COPZ1: variants seen among roughly 807,000 people sequenced by gnomAD.
COPZ1 encodes the protein coat protein complex I subunit zeta 1.
Under a neutral mutation model 31.7 loss-of-function variants are expected in COPZ1, and 4 were observed. The observed-to-expected ratio is 0.13, with a 90% CI of 0.06 to 0.29. COPZ1 has a LOEUF of 0.29. COPZ1 is among the 10% of genes least tolerant of loss of function. The pLI is 1.00. For synonymous variants in COPZ1, 74 were observed against 79.0 expected (o/e 0.94, Z 0.33); for missense variants, 156 against 211.5 (o/e 0.74, Z 1.63).
intron 1 of COPZ1, chr12:54,337,177 C>T (rs1432025316): frequency 5.6e-6 from 3 of 533,206 alleles, no homozygotes; most frequent in African/African-American, 1.9e-5. Flanking sequence ...GTCTAAGTCA[C>T]CCAATCTCCC....
At chr12:54,342,124 G>A in intron 2 of COPZ1, 82 bp from the exon 3 acceptor site, 2 of 990,644 alleles carry the variant, frequency 2.0e-6, no homozygotes, top group East Asian at 4.8e-5. Context: ...AGAAATCCAA[G>A]ATCCCAGGGC....
At chr12:54,336,391 A>T (rs1953864063) in intron 1 of COPZ1, among the ~76,000 whole-genome samples, 1 of 152,030 alleles carries the variant, frequency 6.6e-6, no homozygotes, top group Admixed American at 6.6e-5. Context: ...AATACAAAAA[A>T]TTAGCCGGGC....
chr12:54,341,359 G>T (rs1953969961), intron 2 of COPZ1, among the ~76,000 whole-genome samples: 1 of 152,116 alleles, frequency 6.6e-6, no homozygotes, highest in Non-Finnish European at 1.5e-5. Context: ...TTGGAAGAAA[G>T]AAGAAAGGAC....
intron 1 of COPZ1, among the ~76,000 whole-genome samples, chr12:54,335,003 A>G (rs1953831861): frequency 6.6e-6 from 1 of 151,978 alleles, no homozygotes; most frequent in Non-Finnish European, 1.5e-5. Context: ...GTGAAACTCC[A>G]TCTCTACTAA....
rs548286711 is a variant in COPZ1, at chr12:54,347,702, A to G, written c.318-65A>G. On this transcript the variant is annotated intron_variant, in intron 5 of 8. Coordinates refer to ENST00000262061, the MANE Select transcript of COPZ1 (RefSeq NM_016057.3). ...GTCTAGTTTAGGTTCCTCAATTGAG[A>G]CAAGGTCCTAGGATTTCTTTCACAT... is the stretch of plus-strand genomic sequence containing the variant. 25 of 1,459,160 alleles carry G rather than the reference A, an allele frequency of 1.7e-5. No individual in the cohort carries two copies. In the South Asian group the frequency reaches 2.9e-4, roughly 17 times the overall value. The allele number at this position is 1,459,160 out of a possible 1,614,324, so 90.4% of individuals were successfully genotyped here.
Position 54,340,614 on chromosome 12 carries a change from A to G in COPZ1, c.86A>G (p.Lys29Arg). 1 of 1,613,610 alleles carries G rather than the reference A, an allele frequency of 6.2e-7. No homozygotes were observed. The highest frequency in any genetic ancestry group is 8.5e-7 in the Non-Finnish European group (1 of 1,179,824). ...AATGATGGAGATCGACTTTTTGCCAAGGTGAGATTCCCTTTCGAATTAGTT... is the reference window on the plus strand; with the variant it reads ...AATGATGGAGATCGACTTTTTGCCAGGGTGAGATTCCCTTTCGAATTAGTT... ...LDNDGDRLFA[K>R]YYDDTYPSVK... is the part of the protein sequence containing the mutation. Residue 29 changes from lysine (K) to arginine (R), a missense_variant and splice_region_variant, in exon 2 of 9, where the codon AAG becomes AGG. Physicochemically the swap from Lys to Arg is conservative, Grantham distance 26. Coordinates refer to ENST00000262061, the MANE Select transcript of COPZ1 (RefSeq NM_016057.3).
intron 1 of COPZ1, 172 bp from the exon 2 acceptor site, chr12:54,340,375 T>C (rs187815323): frequency 8.8e-5 from 92 of 1,044,174 alleles, no homozygotes; most frequent in Non-Finnish European, 1.2e-4. Context: ...TCAGTTTACT[T>C]ACCCTGGGTC....
At chr12:54,326,340 C>T (rs527883078) in intron 1 of COPZ1, among the ~76,000 whole-genome samples, 2 of 148,294 alleles carry the variant, frequency 1.3e-5, no homozygotes, top group South Asian at 4.3e-4. Flanking sequence ...CGGAGTTTCA[C>T]CGTGTTAGCC....
intron 1 of COPZ1, among the ~76,000 whole-genome samples, chr12:54,336,139 G>A (rs1381549987): frequency 1.3e-5 from 2 of 152,098 alleles, no homozygotes; most frequent in Admixed American, 6.6e-5. Flanking sequence ...TCTTCTGGTG[G>A]CTTACTAAGA....
rs139509958 is a variant in COPZ1 at position 54,333,243 on chromosome 12, G to A, written c.19-7304G>A. Among the ~76,000 whole-genome samples the A allele has an allele frequency of 7.4e-3, 1,126 of 151,954 alleles. 9 individuals are homozygous for A. The highest frequency in any genetic ancestry group is 0.024 in the Middle Eastern group (7 of 294). ...GTATTTTTAGTAGAGACAGGGTTTC[G>A]CCATGTTGCCCAGGCTGGCCTCAAA... On this transcript the variant is annotated intron_variant, in intron 1 of 8. Transcript: ENST00000262061.
intron 1 of COPZ1, among the ~76,000 whole-genome samples, chr12:54,336,885 G>A (rs1171341421): frequency 6.6e-6 from 1 of 151,996 alleles, no homozygotes; most frequent in Non-Finnish European, 1.5e-5. Context: ...AGCTGGGCAT[G>A]GGGGTGTGTG....
In COPZ1 at chr12:54,327,027, C is replaced by T. The variant is rs180677677; in HGVS notation, c.18+1846C>T. Among the ~76,000 whole-genome samples the T allele has an allele frequency of 5.0e-3, 577 of 114,998 alleles. 5 individuals carry two copies. Among genetic ancestry groups the T allele is most frequent in the African/African-American group, 0.019 (549 of 29,330 alleles). 75.4% of individuals were successfully genotyped at this position (114,998 alleles called of 152,430 possible). ...ATAGAGTCTGGCTGTGTTGCCCAGG[C>T]TGGGGTGCAGTGGTGCAATCTTGGC... On this transcript the variant is annotated intron_variant, in intron 1 of 8. Transcript: ENST00000262061.
chr12:54,340,466 C>T (rs1264957951), intron 1 of COPZ1, 81 bp from the exon 2 acceptor site: 4 of 1,589,022 alleles, frequency 2.5e-6, no homozygotes, highest in African/African-American at 1.4e-5. Flanking sequence ...CTTGCAGCCC[C>T]AGTGGGACTA....
intron 7 of COPZ1, 141 bp from the exon 8 acceptor site, chr12:54,349,479 C>T (rs1954113600): frequency 1.3e-6 from 1 of 760,522 alleles, no homozygotes; most frequent in South Asian, 1.5e-5. Context: ...TGTACTAGTC[C>T]CTAGAAGGGA....
At chr12:54,343,387 G>A in intron 4 of COPZ1, 71 bp downstream of exon 4, 2 of 1,312,186 alleles carry the variant, frequency 1.5e-6, no homozygotes, top group South Asian at 2.4e-5. Context: ...ATAGCCACTG[G>A]TTTGGGGCCC....
intron 1 of COPZ1, among the ~76,000 whole-genome samples, chr12:54,339,337 A>T (rs1953930078): frequency 6.6e-6 from 1 of 151,026 alleles, no homozygotes; most frequent in African/African-American, 2.4e-5. Context: ...ATCTCTCCAC[A>T]CTTTTGGTTT....
At chr12:54,326,658 TGTGTGTGTG>T (rs1245936985) in intron 1 of COPZ1, among the ~76,000 whole-genome samples, 10 of 149,454 alleles carry the variant, frequency 6.7e-5, no homozygotes, top group African/African-American at 2.5e-4. Flanking sequence ...TGTGTGTGTG[TGTGTGTGTG>T]TGTGTGTGTG....
At chr12:54,340,907 G>A (rs1044377610) in intron 2 of COPZ1, among the ~76,000 whole-genome samples, 1 of 152,052 alleles carries the variant, frequency 6.6e-6, no homozygotes, top group Admixed American at 6.6e-5. Flanking sequence ...CAGCAGGTTG[G>A]CCAGACTGGT....
intron 3 of COPZ1, among the ~76,000 whole-genome samples, 169 bp from the exon 4 acceptor site, chr12:54,343,056 T>G (rs937506325): frequency 1.3e-5 from 2 of 151,822 alleles, no homozygotes; most frequent in Non-Finnish European, 2.9e-5. Flanking sequence ...GGGGTTTCAC[T>G]GTGTTGGCCA....
Sources: allele counts gnomAD v4.1 joint callset (sites outside exome capture counted in the v4.1 genomes callset), GRCh38; gene constraint gnomAD v4.1.1; transcripts MANE v1.5; gene names NCBI Gene and HGNC (gene_info 2026-07-23, HGNC 2026-07-21).